Variants in RNMT observed in about 807,000 individuals in gnomAD.
RNMT encodes the protein RNA guanine-7 methyltransferase.
RNMT carries 27 observed loss-of-function variants against 56.0 expected under a neutral mutation model. The observed-to-expected ratio is 0.48, with a 90% CI of 0.36 to 0.67. The LOEUF (loss-of-function observed/expected upper bound fraction) is 0.67. RNMT is among the 30% of genes least tolerant of loss of function. The pLI, the probability that RNMT is intolerant of heterozygous loss-of-function variation, is 0.00. For missense variants in RNMT, 519 were observed against 552.1 expected (o/e 0.94, Z 0.60); for synonymous variants, 184 against 176.2 (o/e 1.04, Z -0.35).
At chr18:13,750,332 A>G (rs2044419961) in intron 9 of RNMT, among the ~76,000 whole-genome samples, 1 of 152,052 alleles carries the variant, frequency 6.6e-6, no homozygotes, top group Non-Finnish European at 1.5e-5. Context: ...TGGCTATTAA[A>G]TTGCCATCAT....
intron 1 of RNMT, among the ~76,000 whole-genome samples, chr18:13,727,334 A>G (rs1237060697): frequency 6.6e-6 from 1 of 152,188 alleles, no homozygotes; most frequent in Non-Finnish European, 1.5e-5. Flanking sequence ...GTGGTTATTT[A>G]TCGCGTGTCC....
chr18:13,745,740 T>TAA (rs368162516), intron 8 of RNMT, among the ~76,000 whole-genome samples: 3 of 140,498 alleles, frequency 2.1e-5, no homozygotes, highest in African/African-American at 8.0e-5. Flanking sequence ...AGAAGTTGGG[T>TAA]AAAAAAAAAC....
Position 13,762,366 on chromosome 18 carries a change from G to C in RNMT, c.*2387G>C, listed in dbSNP as rs1365504480. On this transcript the variant is annotated 3_prime_UTR_variant, in exon 12 of 12. Coordinates refer to ENST00000383314, the MANE Select transcript of RNMT (RefSeq NM_003799.3). ...TGGCAGTTTTTAACCACTTCTGTGG[G>C]AGCCGTGTTCTAACCTGTGGAAAGT... 2 of 570,990 alleles carry C rather than the reference G, an allele frequency of 3.5e-6. No homozygotes were observed. The highest frequency in any genetic ancestry group is 6.1e-6 in the Non-Finnish European group (2 of 326,360). The allele number at this position is 570,990 out of a possible 1,614,324, so 35.4% of individuals were successfully genotyped here. A position where few individuals can be genotyped will look rare whatever the true frequency, so the allele number is the denominator to read the frequency against.
At chr18:13,748,366 T>C (rs191852540) in intron 9 of RNMT, among the ~76,000 whole-genome samples, 16 of 152,228 alleles carry the variant, frequency 1.1e-4, no homozygotes, top group African/African-American at 3.6e-4. Flanking sequence ...GTCACTCTGG[T>C]GGGCGTGTAA....
intron 9 of RNMT, among the ~76,000 whole-genome samples, chr18:13,748,393 A>AAGGACATGACCAGATAAGAGTT (rs1360015346): frequency 6.6e-6 from 1 of 152,192 alleles, no homozygotes; most frequent in African/African-American, 2.4e-5. Flanking sequence ...TGGAGCAGGA[A>AAGGACATGACCAGATAAGAGTT]AGGACATGAC....
At chr18:13,758,027 T>C (rs1211963622) in intron 11 of RNMT, among the ~76,000 whole-genome samples, 1 of 152,160 alleles carries the variant, frequency 6.6e-6, no homozygotes, top group African/African-American at 2.4e-5. Context: ...GCGGTAATAT[T>C]TTGAAAAGAA....
At position 13,760,636 on chromosome 18, in the gene RNMT, A is replaced by G; in HGVS notation, c.*657A>G. The G allele has an allele frequency of 1.0e-6, 1 of 985,382 alleles. No individual in the cohort carries two copies. The highest frequency in any genetic ancestry group is 1.7e-5 in the African/African-American group (1 of 57,382). The allele number at this position is 985,382 out of a possible 1,614,324, so 61.0% of individuals were successfully genotyped here. A position where few individuals can be genotyped will look rare whatever the true frequency, so the allele number is the denominator to read the frequency against. On this transcript the variant is annotated 3_prime_UTR_variant, in exon 12 of 12. Coordinates refer to ENST00000383314, the MANE Select transcript of RNMT (RefSeq NM_003799.3). ...GAATTTTGGGGCTTTCTTTTCAGAA[A>G]TTGCTACCATAGTAATTAATGTTTC...
intron 8 of RNMT, among the ~76,000 whole-genome samples, chr18:13,743,280 G>T (rs149773808): frequency 4.8e-5 from 7 of 145,926 alleles, no homozygotes; most frequent in Admixed American, 4.2e-4. Flanking sequence ...TCGAGATCGC[G>T]CCACTGCGCT....
intron 3 of RNMT, among the ~76,000 whole-genome samples, chr18:13,733,307 T>C (rs2044105002): frequency 6.6e-6 from 1 of 152,142 alleles, no homozygotes; most frequent in African/African-American, 2.4e-5. Flanking sequence ...TTGAAAACTG[T>C]TGGGTTACAT....
intron 8 of RNMT, 92 bp downstream of exon 8, chr18:13,742,744 A>C (rs2044272013): frequency 1.1e-6 from 1 of 935,466 alleles, no homozygotes; most frequent in African/African-American, 1.7e-5. Flanking sequence ...CTTTATTTTA[A>C]ATGAGGGCTA....
chr18:13,752,227 G>T (rs923090054), intron 9 of RNMT, 99 bp from the exon 10 acceptor site: 3 of 702,698 alleles, frequency 4.3e-6, no homozygotes, highest in African/African-American at 3.6e-5. Flanking sequence ...AGTACTTACG[G>T]ATTATTCTCC....
chr18:13,737,135 G>A lies in RNMT; in HGVS notation c.679G>A (p.Asp227Asn), dbSNP rs747729376. The change falls in exon 5 of 12, where the codon GAT becomes AAT. Residue 227 changes from aspartate (D) to asparagine (N), a missense_variant and splice_region_variant. Coordinates refer to ENST00000383314, the MANE Select transcript of RNMT (RefSeq NM_003799.3). ...KGRINKLVCT[D>N]IADVSVKQCQ... Reference sequence around the variant, plus strand: ...AAGAATTAACAAGCTAGTTTGTACTGGTAAGATAAATAATGATATGGGAAA... The same window carrying A: ...AAGAATTAACAAGCTAGTTTGTACTAGTAAGATAAATAATGATATGGGAAA... 2 of 1,594,784 alleles carry A rather than the reference G, an allele frequency of 1.3e-6. No individual in the cohort carries two copies. Among genetic ancestry groups the A allele is most frequent in the Non-Finnish European group, 1.7e-6 (2 of 1,168,772 alleles).
intron 9 of RNMT, 57 bp from the exon 10 acceptor site, chr18:13,752,269 T>A: frequency 1.9e-6 from 2 of 1,040,588 alleles, no homozygotes; most frequent in East Asian, 4.8e-5. Flanking sequence ...TTAGCATGTT[T>A]AATTCTGAAT....
chr18:13,729,869 G>A (rs1327117752), intron 1 of RNMT, among the ~76,000 whole-genome samples: 1 of 151,330 alleles, frequency 6.6e-6, no homozygotes, highest in Non-Finnish European at 1.5e-5. Flanking sequence ...GCACAATCAT[G>A]GCTCACTGCA....
In RNMT at chr18:13,764,276, G is replaced by A. The variant is rs2044653352; in HGVS notation, c.*4297G>A. ...ACACATCAATGATTTTTCACAAGTG[G>A]AGCACGTGCATACAATCGGCACCCC... On this transcript the variant is annotated 3_prime_UTR_variant, in exon 12 of 12. Transcript: ENST00000383314. The A allele has an allele frequency of 6.6e-6, 1 of 152,074 alleles. No individual in the cohort carries two copies. The highest frequency in any genetic ancestry group is 1.5e-5 in the Non-Finnish European group (1 of 68,008). 9.4% of individuals were successfully genotyped at this position (152,074 alleles called of 1,614,324 possible). A position where few individuals can be genotyped will look rare whatever the true frequency, so the allele number is the denominator to read the frequency against.
At chr18:13,733,577 C>T (rs762442786) in intron 3 of RNMT, among the ~76,000 whole-genome samples, 11 of 152,154 alleles carry the variant, frequency 7.2e-5, no homozygotes, top group Non-Finnish European at 1.5e-4. Flanking sequence ...AGGGTTTCAC[C>T]ATGTTGGCCA....
rs1355210194 is a variant in RNMT at position 13,731,837 on chromosome 18, G to T, written c.320G>T (p.Arg107Ile). The change falls in exon 3 of 12, where the codon AGA becomes ATA. Residue 107 changes from arginine (R) to isoleucine (I), a missense_variant. Transcript: ENST00000383314. ...GAAGGCAATTCAAAGAAAAGAAAAA[G>T]AGAAACTGAGGATGTTCCAAAAGAT... is the stretch of plus-strand genomic sequence containing the variant. The part of the protein sequence containing the change: ...DAEGNSKKRK[R>I]ETEDVPKDKS... 1.2e-6 allele frequency: 2 copies of T among 1,613,420 alleles called. No homozygotes were observed. The highest frequency in any genetic ancestry group is 1.7e-5 in the Admixed American group (1 of 59,896).
rs2044649338 is a variant in RNMT at position 13,763,982 on chromosome 18, G to A, written c.*4003G>A. On this transcript the variant is annotated 3_prime_UTR_variant, in exon 12 of 12. Transcript: ENST00000383314. Reference sequence around the variant, plus strand: ...CAGCACTTGAGTGCACTGGCAGGAAGCAGAGATAAGACTTGAATTTCAGTT... The same window carrying A: ...CAGCACTTGAGTGCACTGGCAGGAAACAGAGATAAGACTTGAATTTCAGTT... 1 of 152,278 alleles carries A rather than the reference G, an allele frequency of 6.6e-6. No homozygotes were observed. Among genetic ancestry groups the A allele is most frequent in the African/African-American group, 2.4e-5 (1 of 41,462 alleles). The allele number at this position is 152,278 out of a possible 1,614,324, so 9.4% of individuals were successfully genotyped here. A position where few individuals can be genotyped will look rare whatever the true frequency, so the allele number is the denominator to read the frequency against.
intron 8 of RNMT, among the ~76,000 whole-genome samples, chr18:13,743,317 C>T (rs529074483): frequency 2.2e-3 from 134 of 61,122 alleles, no homozygotes; most frequent in Non-Finnish European, 3.7e-3. Flanking sequence ...AGCGAAACTC[C>T]GTCTCAAAAA....
Sources: allele counts gnomAD v4.1 joint callset (sites outside exome capture counted in the v4.1 genomes callset), GRCh38; gene constraint gnomAD v4.1.1; transcripts MANE v1.5; gene names NCBI Gene and HGNC (gene_info 2026-07-23, HGNC 2026-07-21).